CTNND2: variants seen among roughly 807,000 people sequenced by gnomAD.
CTNND2 encodes the protein catenin delta-2.
CTNND2 carries 22 observed loss-of-function variants against 144.4 expected under a neutral mutation model. That is an observed-to-expected ratio of 0.15 (90% CI 0.11 to 0.22). The LOEUF (loss-of-function observed/expected upper bound fraction) is 0.22. Among genes scored for constraint, CTNND2 ranks in the 10% least tolerant of loss-of-function variants. The probability of loss-of-function intolerance (pLI) is 1.00; values close to 1 mark genes in which losing one functional copy is unlikely to be tolerated. For synonymous variants in CTNND2, 751 were observed against 695.6 expected, an observed-to-expected ratio of 1.08 and a Z score of -1.25; for missense variants, 1,353 against 1,618.8, an observed-to-expected ratio of 0.84 and a Z score of 2.82.
chr5:11,810,611 T>C (rs975501587), intron 1 of CTNND2, among the ~76,000 whole-genome samples: 1 of 152,306 alleles, frequency 6.6e-6, no homozygotes, highest in East Asian at 1.9e-4. Flanking sequence ...TTGTGGCATG[T>C]CAGAAAAATC....
intron 2 of CTNND2, among the ~76,000 whole-genome samples, chr5:11,672,020 C>T (rs1223126992): frequency 6.6e-6 from 1 of 152,136 alleles, no homozygotes; most frequent in Admixed American, 6.5e-5. Context: ...GTTAGTTTTC[C>T]TTCTAACAGT....
rs1787423986 is a variant in CTNND2, at chr5:11,732,189, C to A, written c.121G>T (p.Asp41Tyr). ...LSPGLNTSNG[D>Y]GSETETTSAI... is the part of the protein sequence containing the mutation. ...GAGGTGGTTTCTGTTTCAGAGCCAT[C>A]CCCGTTGGAGGTGTTTAAGCCGGGG... The change falls in exon 2 of 22, where the codon GAT (aspartate) becomes TAT (tyrosine). Residue 41 changes from aspartate (D) to tyrosine (Y), a missense_variant. Physicochemically the swap from Asp to Tyr is radical, Grantham distance 160 (BLOSUM62 -3). Coordinates refer to ENST00000304623, the MANE Select transcript of CTNND2 (RefSeq NM_001332.4). 1 of 1,613,954 alleles carries A rather than the reference C, an allele frequency of 6.2e-7. No homozygotes were observed. The highest frequency in any genetic ancestry group is 8.5e-7 in the Non-Finnish European group (1 of 1,179,920).
At chr5:11,776,903 C>G (rs886229889) in intron 1 of CTNND2, among the ~76,000 whole-genome samples, 1 of 151,946 alleles carries the variant, frequency 6.6e-6, no homozygotes, top group Non-Finnish European at 1.5e-5. Flanking sequence ...AGGAAGCATC[C>G]CATAATAAAT....
chr5:11,083,923 A>T, intron 15 of CTNND2: 1 of 1,153,814 alleles, frequency 8.7e-7, no homozygotes, highest in Non-Finnish European at 1.1e-6. Context: ...AACGTAGGGC[A>T]TATGCCATGC....
At chr5:11,641,750 G>A (rs1581653509) in intron 2 of CTNND2, among the ~76,000 whole-genome samples, 1 of 138,312 alleles carries the variant, frequency 7.2e-6, no homozygotes, top group African/African-American at 2.7e-5. Context: ...ATATACGTGT[G>A]TATGTACATA....
intron 2 of CTNND2, among the ~76,000 whole-genome samples, chr5:11,662,205 G>GTATA (rs59545894): frequency 3.2e-5 from 4 of 126,020 alleles, no homozygotes; most frequent in Non-Finnish European, 6.4e-5. Context: ...GTGTATATAT[G>GTATA]TATATATATA....
intron 9 of CTNND2, among the ~76,000 whole-genome samples, chr5:11,247,351 T>C (rs950023072): frequency 6.6e-6 from 1 of 152,136 alleles, no homozygotes; most frequent in African/African-American, 2.4e-5. Flanking sequence ...AAAGAGGCCC[T>C]CTGTGAGACC....
intron 1 of CTNND2, among the ~76,000 whole-genome samples, chr5:11,751,416 CTGT>C (rs1788611622): frequency 6.6e-6 from 1 of 151,766 alleles, no homozygotes; most frequent in Non-Finnish European, 1.5e-5. Flanking sequence ...GTCCCAGTGT[CTGT>C]TGTTCCCTTC....
chr5:11,445,176 T>C (rs1764692080), intron 3 of CTNND2, among the ~76,000 whole-genome samples: 1 of 152,198 alleles, frequency 6.6e-6, no homozygotes, highest in South Asian at 2.1e-4. Context: ...TGGCTTCTGC[T>C]GGTTGCCAGT....
chr5:11,895,132 AAC>A (rs1355331810), intron 1 of CTNND2, among the ~76,000 whole-genome samples: 2 of 152,062 alleles, frequency 1.3e-5, no homozygotes, highest in Admixed American at 6.6e-5. Flanking sequence ...ATCCCTGAAG[AAC>A]ACACAGTCAA....
intron 3 of CTNND2, among the ~76,000 whole-genome samples, chr5:11,444,776 G>T (rs1008362923): frequency 5.9e-5 from 9 of 152,224 alleles, no homozygotes; most frequent in Admixed American, 5.2e-4. Context: ...TAATTGACCA[G>T]TTCTGGGCAC....
chr5:11,280,445 G>C (rs2149995201), intron 9 of CTNND2, among the ~76,000 whole-genome samples: 1 of 152,296 alleles, frequency 6.6e-6, no homozygotes, highest in East Asian at 1.9e-4. Flanking sequence ...TTTCTGATGA[G>C]GGCTCTCTTC....
intron 3 of CTNND2, among the ~76,000 whole-genome samples, chr5:11,443,244 G>GC (rs1764453606): frequency 8.0e-6 from 1 of 124,874 alleles, no homozygotes; most frequent in African/African-American, 3.7e-5. Flanking sequence ...TGATGTGTGT[G>GC]TGTGTGTGCT....
chr5:11,251,274 T>C (rs1277565729), intron 9 of CTNND2, among the ~76,000 whole-genome samples: 1 of 152,176 alleles, frequency 6.6e-6, no homozygotes, highest in Non-Finnish European at 1.5e-5. Context: ...TTCCATTTAG[T>C]AAGTTCTTAG....
intron 16 of CTNND2, among the ~76,000 whole-genome samples, chr5:11,039,027 C>T (rs1232355128): frequency 1.1e-4 from 16 of 152,218 alleles, no homozygotes; most frequent in Admixed American, 8.5e-4. Flanking sequence ...TCACAGTCCT[C>T]ATTCAGGGAA....
chr5:11,873,293 T>C (rs1319430116), intron 1 of CTNND2, among the ~76,000 whole-genome samples: 1 of 152,206 alleles, frequency 6.6e-6, no homozygotes, highest in Non-Finnish European at 1.5e-5. Context: ...TATAATGATA[T>C]GACTCAAAAT....
At chr5:11,683,214 A>C (rs1784497159) in intron 2 of CTNND2, among the ~76,000 whole-genome samples, 1 of 152,230 alleles carries the variant, frequency 6.6e-6, no homozygotes, top group Admixed American at 6.5e-5. Context: ...AGACATTTAA[A>C]TATTCTTTTA....
At chr5:11,064,206 A>G (rs1464430158) in intron 16 of CTNND2, among the ~76,000 whole-genome samples, 1 of 152,222 alleles carries the variant, frequency 6.6e-6, no homozygotes, top group African/African-American at 2.4e-5. Context: ...TTCTCCAAGT[A>G]AAGATACCAG....
chr5:11,407,457 T>G (rs1037458178), intron 5 of CTNND2, among the ~76,000 whole-genome samples: 1 of 152,230 alleles, frequency 6.6e-6, no homozygotes, highest in Admixed American at 6.5e-5. Flanking sequence ...AAAATCAGCA[T>G]AGCAGAGCAG....
Sources: allele counts gnomAD v4.1 joint callset (sites outside exome capture counted in the v4.1 genomes callset), GRCh38; gene constraint gnomAD v4.1.1; transcripts MANE v1.5; gene names NCBI Gene and HGNC (gene_info 2026-07-23, HGNC 2026-07-21).